The following LDB2 variants were observed in gnomAD, a reference collection of about 807,000 sequenced individuals.
LDB2 encodes the protein LIM domain-binding protein 2.
A neutral mutation model predicts 44.3 loss-of-function variants in LDB2; 12 were observed. The ratio of observed to expected loss-of-function variants is 0.27; its 90% CI spans 0.17 to 0.44. LDB2 has a LOEUF of 0.44. LDB2 is among the 20% of genes least tolerant of loss of function. LDB2 has a pLI of 1.00. For missense variants in LDB2, 344 were observed against 473.5 expected (o/e 0.73, Z 2.54); for synonymous variants, 164 against 174.8 (o/e 0.94, Z 0.49).
intron 1 of LDB2, among the ~76,000 whole-genome samples, chr4:16,766,831 T>G (rs1239135709): frequency 6.6e-6 from 1 of 152,120 alleles, no homozygotes; most frequent in African/African-American, 2.4e-5. Context: ...CTCTCTTTCC[T>G]TATATAAGCT....
intron 2 of LDB2, chr4:16,626,637 A>AT (rs545543110): frequency 0.011 from 1,686 of 148,530 alleles, 30 homozygotes; most frequent in African/African-American, 0.037. Flanking sequence ...ATCATCACAG[A>AT]TTTTTTTTTT....
At chr4:16,892,801 A>G (rs1561559106) in intron 1 of LDB2, among the ~76,000 whole-genome samples, 1 of 152,194 alleles carries the variant, frequency 6.6e-6, no homozygotes, top group Non-Finnish European at 1.5e-5. Flanking sequence ...GACCCCAAAC[A>G]AAAAGCTAAA....
At chr4:16,621,497 G>C (rs1420521220) in intron 2 of LDB2, among the ~76,000 whole-genome samples, 3 of 151,990 alleles carry the variant, frequency 2.0e-5, no homozygotes, top group Admixed American at 1.3e-4. Context: ...AAAGAGTTTG[G>C]GGTCTCCCAA....
intron 2 of LDB2, among the ~76,000 whole-genome samples, chr4:16,659,665 A>ATG (rs1285754753): frequency 1.3e-4 from 14 of 104,532 alleles, no homozygotes; most frequent in African/African-American, 1.8e-4. Context: ...GAGTATATCT[A>ATG]TGTGTGTATA....
At chr4:16,764,317 T>C (rs916267979) in intron 1 of LDB2, among the ~76,000 whole-genome samples, 3 of 152,136 alleles carry the variant, frequency 2.0e-5, no homozygotes, top group Non-Finnish European at 4.4e-5. Flanking sequence ...TTCCATTCTG[T>C]TGTCTGGTGT....
intron 1 of LDB2, among the ~76,000 whole-genome samples, chr4:16,828,483 T>G (rs1313959167): frequency 6.6e-6 from 1 of 152,202 alleles, no homozygotes; most frequent in East Asian, 1.9e-4. Flanking sequence ...ACCCCTCCTC[T>G]TGGATGTGTG....
rs1272116766 is a variant in LDB2, at chr4:16,563,615, A to ATT, written c.615+22305_615+22306dup. The stretch of plus-strand genomic sequence containing the variant: ...AGGTGCCCACCACCACGCCTGGCTA[A>ATT]TTTTTTTTTTTTTTTTGTATTTTTA... On this transcript the variant is annotated intron_variant, in intron 5 of 7. Coordinates refer to ENST00000304523, the MANE Select transcript of LDB2 (RefSeq NM_001290.5). 8.9e-3 allele frequency among the ~76,000 whole-genome samples: 1,207 copies of ATT among 135,988 alleles called. 21 individuals are homozygous for ATT. Among genetic ancestry groups the ATT allele is most frequent in the African/African-American group, 0.031 (1,130 of 36,962 alleles). The allele number at this position is 135,988 out of a possible 152,430, so 89.2% of individuals were successfully genotyped here. A position where few individuals can be genotyped will look rare whatever the true frequency, so the allele number is the denominator to read the frequency against.
At chr4:16,529,419 G>A (rs1577406500) in intron 5 of LDB2, among the ~76,000 whole-genome samples, 1 of 152,160 alleles carries the variant, frequency 6.6e-6, no homozygotes, top group South Asian at 2.1e-4. Flanking sequence ...CAGGTTGCAG[G>A]TGCAGCAGGG....
At chr4:16,673,455 G>A (rs1745447241) in intron 2 of LDB2, among the ~76,000 whole-genome samples, 1 of 152,132 alleles carries the variant, frequency 6.6e-6, no homozygotes, top group South Asian at 2.1e-4. Flanking sequence ...TTTTGAAACG[G>A]GTCACAACGC....
intron 2 of LDB2, among the ~76,000 whole-genome samples, chr4:16,743,041 G>C (rs143014274): frequency 0.032 from 4,844 of 152,192 alleles, 247 homozygotes; most frequent in African/African-American, 0.11. Flanking sequence ...TGTAATCCCA[G>C]CACTTTGGGA....
intron 2 of LDB2, among the ~76,000 whole-genome samples, chr4:16,637,299 A>ATTTTTTTTTTTTTTTTTTTTTT (rs34484721): frequency 5.8e-5 from 5 of 85,482 alleles, no homozygotes; most frequent in African/African-American, 1.5e-4. Context: ...GCCTAGGCTG[A>ATTTTTTTTTTTTTTTTTTTTTT]TTTTTTTTTT....
chr4:16,719,578 C>A (rs1016242927), intron 2 of LDB2, among the ~76,000 whole-genome samples: 1 of 151,930 alleles, frequency 6.6e-6, no homozygotes, highest in Non-Finnish European at 1.5e-5. Context: ...GTTCCTGGAC[C>A]ACGGTAATTT....
intron 5 of LDB2, among the ~76,000 whole-genome samples, chr4:16,545,147 T>C (rs1387689476): frequency 6.6e-6 from 1 of 151,186 alleles, no homozygotes; most frequent in Non-Finnish European, 1.5e-5. Context: ...TCTCCCTCTC[T>C]CCCTCCCTGC....
chr4:16,534,365 C>T (rs1472952209), intron 5 of LDB2, among the ~76,000 whole-genome samples: 2 of 152,158 alleles, frequency 1.3e-5, no homozygotes, highest in African/African-American at 2.4e-5. Context: ...TAGAAACGAA[C>T]TTTTACCCCA....
At chr4:16,568,360 T>G (rs1247508955) in intron 5 of LDB2, among the ~76,000 whole-genome samples, 1 of 152,216 alleles carries the variant, frequency 6.6e-6, no homozygotes, top group Non-Finnish European at 1.5e-5. Context: ...TTTGAAATAT[T>G]ACTGAAAACT....
intron 1 of LDB2, 29 bp downstream of exon 1, chr4:16,898,325 A>C: frequency 6.9e-6 from 11 of 1,602,740 alleles, no homozygotes; most frequent in Non-Finnish European, 9.4e-6. Flanking sequence ...AAAAATACAC[A>C]AACACATCCC....
At chr4:16,548,150 A>G (rs780981012) in intron 5 of LDB2, among the ~76,000 whole-genome samples, 2 of 151,770 alleles carry the variant, frequency 1.3e-5, no homozygotes, top group Admixed American at 6.6e-5. Context: ...TTGACCCCCA[A>G]CTCAAGGTTA....
chr4:16,716,838 C>T (rs1390801), intron 2 of LDB2, among the ~76,000 whole-genome samples: 76,975 of 151,722 alleles, frequency 0.51, 19,772 homozygotes, highest in East Asian at 0.78. Context: ...TAATTTAGTA[C>T]AGGTACAGAT....
At chr4:16,697,120 G>A (rs1178587535) in intron 2 of LDB2, among the ~76,000 whole-genome samples, 1 of 152,032 alleles carries the variant, frequency 6.6e-6, no homozygotes, top group East Asian at 1.9e-4. Flanking sequence ...TAAATTACAA[G>A]TTCTTCAAAA....
Sources: gnomAD v4.1 joint callset for allele counts (sites outside exome capture counted in the v4.1 genomes callset) on GRCh38, gnomAD v4.1.1 for gene constraint, MANE v1.5 for transcripts, NCBI Gene and HGNC (gene_info 2026-07-23, HGNC 2026-07-21) for gene names.